Variants in BTRC observed in about 807,000 individuals in gnomAD.
BTRC encodes beta-transducin repeat containing E3 ubiquitin protein ligase.
BTRC carries 42 observed loss-of-function variants against 85.5 expected under a neutral mutation model. The ratio of observed to expected loss-of-function variants is 0.49; its 90% CI spans 0.38 to 0.64. The LOEUF is 0.64. BTRC is among the 30% of genes least tolerant of loss of function. The pLI is 0.00. For synonymous variants in BTRC, 255 were observed against 263.3 expected, an observed-to-expected ratio of 0.97 and a Z score of 0.30; for missense variants, 594 against 743.5, an observed-to-expected ratio of 0.80 and a Z score of 2.34.
chr10:101,406,778 C>T (rs1317665527), intron 1 of BTRC, among the ~76,000 whole-genome samples: 1 of 151,946 alleles, frequency 6.6e-6, no homozygotes, highest in African/African-American at 2.4e-5. Context: ...AGGTGATCCA[C>T]CCACCTCAGC....
At chr10:101,360,853 C>T (rs1168631464) in intron 1 of BTRC, among the ~76,000 whole-genome samples, 5 of 152,136 alleles carry the variant, frequency 3.3e-5, no homozygotes, top group African/African-American at 1.2e-4. Flanking sequence ...TATTTGGGCG[C>T]AGCTCTGCCA....
chr10:101,487,785 A>G (rs1946028358), intron 4 of BTRC, among the ~76,000 whole-genome samples: 2 of 152,178 alleles, frequency 1.3e-5, no homozygotes, highest in South Asian at 2.1e-4. Flanking sequence ...AAGAGTGGAA[A>G]CAGAGGGAAT....
intron 1 of BTRC, among the ~76,000 whole-genome samples, chr10:101,400,311 T>C (rs1943463323): frequency 6.6e-6 from 1 of 152,230 alleles, no homozygotes; most frequent in Admixed American, 6.5e-5. Context: ...TTCTCTTTCT[T>C]AATGAGCAAG....
intron 4 of BTRC, among the ~76,000 whole-genome samples, chr10:101,506,276 T>C (rs927962126): frequency 7.9e-5 from 12 of 152,204 alleles, no homozygotes; most frequent in African/African-American, 2.7e-4. Flanking sequence ...AACTGAAGCA[T>C]GAAGCCATCA....
Position 101,525,093 on chromosome 10 carries a change from T to TACAAC in BTRC, c.557-920_557-919insACAAC, listed in dbSNP as rs1168944960. ...TAAACAGAAATAACTTTGAATGTTT[T>TACAAC]TATCTCAGTTGTAAATGTAGAACAG... On this transcript the variant is annotated intron_variant, in intron 5 of 14. Coordinates refer to ENST00000370187, the MANE Select transcript of BTRC (RefSeq NM_033637.4). 4.6e-5 allele frequency among the ~76,000 whole-genome samples: 7 copies of TACAAC among 152,320 alleles called. No individual in the cohort carries two copies. The South Asian group carries it at 1.5e-3, about 32-fold the overall frequency.
chr10:101,356,322 C>T (rs11190957), intron 1 of BTRC, among the ~76,000 whole-genome samples: 49,793 of 152,076 alleles, frequency 0.33, 10,699 homozygotes, highest in East Asian at 0.67. Flanking sequence ...TAATCCTAAT[C>T]CTGACATTTG....
rs1219565481 is a variant in BTRC, at chr10:101,505,804, TTTGC to T, written c.325-15831_325-15828del. Among the ~76,000 whole-genome samples, 8 of 152,262 alleles carry T rather than the reference TTTGC, an allele frequency of 5.3e-5. No homozygotes were observed. In the East Asian group the frequency reaches 1.4e-3, roughly 26 times the overall value. ...TTTTTAGAAAATGAATTAAACATTCTTTGCTTGACCCCCCCCATAGATCTTTATT... is the reference window on the plus strand; with the variant it reads ...TTTTTAGAAAATGAATTAAACATTCTTTGACCCCCCCCATAGATCTTTATT... On this transcript the variant is annotated intron_variant, in intron 4 of 14. Transcript: ENST00000370187.
intron 8 of BTRC, among the ~76,000 whole-genome samples, 157 bp from the exon 9 acceptor site, chr10:101,532,795 T>TGTGC (rs1554895728): frequency 8.2e-5 from 5 of 60,798 alleles, no homozygotes; most frequent in African/African-American, 6.6e-4. Context: ...TGTGTGCGCG[T>TGTGC]GTGCGCGCGC....
intron 6 of BTRC, among the ~76,000 whole-genome samples, chr10:101,527,787 C>A (rs1564827258): frequency 7.0e-6 from 1 of 142,518 alleles, no homozygotes. Flanking sequence ...CTCTCTCTCT[C>A]TCTCACATAC....
intron 1 of BTRC, among the ~76,000 whole-genome samples, chr10:101,375,182 G>A (rs1314074209): frequency 6.6e-6 from 1 of 152,196 alleles, no homozygotes; most frequent in South Asian, 2.1e-4. Context: ...TTGGATCATG[G>A]GGGCGGATTT....
rs1448394371 is a variant in BTRC, at chr10:101,477,080, G to A, written c.235-2288G>A. ...CAGCCTCTGCCTCCCGGGTTCAAGC[G>A]ATTCTTCTGCCTCAGCCTCCCGAGT... On this transcript the variant is annotated intron_variant, in intron 3 of 14. Transcript: ENST00000370187. 2.6e-5 allele frequency among the ~76,000 whole-genome samples: 4 copies of A among 152,140 alleles called. No homozygotes were observed. In the South Asian group the frequency reaches 6.2e-4, roughly 24 times the overall value.
chr10:101,387,528 C>CGTTTTTTTTTTTTTTTTTTTTTTTTTT, intron 1 of BTRC, among the ~76,000 whole-genome samples: 1 of 45,122 alleles, frequency 2.2e-5, no homozygotes, highest in Non-Finnish European at 3.4e-5. Context: ...CTTCATGGGA[C>CGTTTTTTTTTTTTTTTTTTTTTTTTTT]TTTTTTTTTT....
chr10:101,471,370 CAGAAAG>C (rs1183527515), intron 3 of BTRC, among the ~76,000 whole-genome samples: 7 of 152,054 alleles, frequency 4.6e-5, no homozygotes, highest in African/African-American at 1.5e-4. Context: ...GCCTGGGCAA[CAGAAAG>C]AGAAACTATC....
chr10:101,530,066 T>G (rs1379178107), intron 6 of BTRC, among the ~76,000 whole-genome samples: 2 of 152,194 alleles, frequency 1.3e-5, no homozygotes, highest in South Asian at 2.1e-4. Context: ...TTTACTGATT[T>G]TTTTTTTGTA....
intron 4 of BTRC, among the ~76,000 whole-genome samples, chr10:101,499,958 G>A (rs1946361691): frequency 6.6e-6 from 1 of 151,696 alleles, no homozygotes; most frequent in African/African-American, 2.4e-5. Context: ...AATACAGCAG[G>A]CTATGGACTA....
At chr10:101,552,357 ATTT>A (rs33974447) in intron 14 of BTRC, among the ~76,000 whole-genome samples, 3 of 132,908 alleles carry the variant, frequency 2.3e-5, no homozygotes. Context: ...AATTGTTTGT[ATTT>A]TTTTTTTTTT....
chr10:101,538,720 A>G (rs1302935950), intron 13 of BTRC, among the ~76,000 whole-genome samples: 2 of 152,134 alleles, frequency 1.3e-5, no homozygotes, highest in Non-Finnish European at 2.9e-5. Context: ...GAACCTGTCC[A>G]AAATCTGAGG....
chr10:101,388,672 G>A (rs1278713732), intron 1 of BTRC, among the ~76,000 whole-genome samples: 2 of 151,770 alleles, frequency 1.3e-5, no homozygotes, highest in African/African-American at 4.8e-5. Flanking sequence ...TTGCATTTTT[G>A]TAGAGGTGGG....
intron 14 of BTRC, 157 bp downstream of exon 14, chr10:101,551,048 A>G: frequency 1.7e-6 from 1 of 596,210 alleles, no homozygotes; most frequent in Non-Finnish European, 2.8e-6. Context: ...AAGCTGCCAC[A>G]GTGTGGACAG....
Sources: allele counts gnomAD v4.1 joint callset (sites outside exome capture counted in the v4.1 genomes callset), GRCh38; gene constraint gnomAD v4.1.1; transcripts MANE v1.5; gene names NCBI Gene and HGNC (gene_info 2026-07-23, HGNC 2026-07-21).